The following KIF24 variants were observed in gnomAD, a reference collection of about 807,000 sequenced individuals.
KIF24 encodes kinesin-like protein KIF24.
KIF24 carries 81 observed loss-of-function variants against 118.9 expected under a neutral mutation model. That is an observed-to-expected ratio of 0.68 (90% CI 0.57 to 0.82). KIF24 has a LOEUF of 0.82. KIF24 is among the 40% of genes least tolerant of loss of function. The pLI, the probability that KIF24 is intolerant of heterozygous loss-of-function variation, is 0.00. For synonymous variants in KIF24, 599 were observed against 610.0 expected (o/e 0.98, Z 0.27); for missense variants, 1,560 against 1,661.6 (o/e 0.94, Z 1.06).
chr9:34,327,418 C>T (rs1837703767), intron 1 of KIF24, among the ~76,000 whole-genome samples: 5 of 152,040 alleles, frequency 3.3e-5, no homozygotes, highest in Admixed American at 3.3e-4. Flanking sequence ...CCTTAGGTTG[C>T]CCCAAGGACA....
intron 1 of KIF24, among the ~76,000 whole-genome samples, chr9:34,311,678 G>GTATATATGTACATATATACGTGTA (rs1837157994): frequency 1.2e-5 from 1 of 86,490 alleles, no homozygotes; most frequent in African/African-American, 4.8e-5. Context: ...ACGTGTATAT[G>GTATATATGTACATATATACGTGTA]TATATATATA....
rs1052025223 is a variant in KIF24 at position 34,318,230 on chromosome 9, C to A, written c.-25-6859G>T. On this transcript the variant is annotated intron_variant, in intron 1 of 12. Transcript: ENST00000402558. The surrounding 1 kb of genome is among the most constrained non-coding windows in gnomAD (Gnocchi z 4.9). ...ACATGAATAATGAACATATAGGTAA[C>A]CCTCAGCTATAAGTTGTAAAAGTTA... 1.3e-5 allele frequency among the ~76,000 whole-genome samples: 2 copies of A among 152,150 alleles called. No homozygotes were observed. Among genetic ancestry groups the A allele is most frequent in the African/African-American group, 2.4e-5 (1 of 41,434 alleles).
chr9:34,305,993 A>G (rs1254982676), intron 3 of KIF24, among the ~76,000 whole-genome samples: 1 of 152,172 alleles, frequency 6.6e-6, no homozygotes, highest in Non-Finnish European at 1.5e-5. Context: ...AAGCATGTTA[A>G]GTGAATATAT....
chr9:34,270,918 C>A (rs1399393469), intron 7 of KIF24, among the ~76,000 whole-genome samples: 1 of 150,474 alleles, frequency 6.6e-6, no homozygotes, highest in East Asian at 2.0e-4. Flanking sequence ...ATCTCCCTCA[C>A]ATCCACCCTG....
chr9:34,326,982 T>A (rs1837690859), intron 1 of KIF24, among the ~76,000 whole-genome samples: 1 of 152,168 alleles, frequency 6.6e-6, no homozygotes, highest in Admixed American at 6.5e-5. Context: ...AATGTTTCCT[T>A]TCATGAGGGT....
chr9:34,294,403 A>G (rs1187169160), intron 4 of KIF24, among the ~76,000 whole-genome samples: 1 of 152,174 alleles, frequency 6.6e-6, no homozygotes, highest in Non-Finnish European at 1.5e-5. Flanking sequence ...TAAAAAATAA[A>G]AAATTAGCCG....
intron 7 of KIF24, among the ~76,000 whole-genome samples, chr9:34,270,628 G>A (rs1192495647): frequency 1.3e-5 from 2 of 149,592 alleles, no homozygotes; most frequent in South Asian, 2.1e-4. Flanking sequence ...TTTAAGAGAC[G>A]GGGTGGATGT....
At chr9:34,312,530 A>C (rs1174616360) in intron 1 of KIF24, among the ~76,000 whole-genome samples, 1 of 152,202 alleles carries the variant, frequency 6.6e-6, no homozygotes, top group Non-Finnish European at 1.5e-5. Context: ...TTTTCGTTTT[A>C]ATTTCTATTT....
Position 34,318,950 on chromosome 9 carries a change from G to A in KIF24, c.-25-7579C>T, listed in dbSNP as rs758373089. 8.0e-5 allele frequency: 120 copies of A among 1,501,530 alleles called. No individual in the cohort carries two copies. Among genetic ancestry groups the A allele is most frequent in the Middle Eastern group, 1.7e-4 (1 of 5,920 alleles). 93.0% of individuals were successfully genotyped at this position (1,501,530 alleles called of 1,614,324 possible). A position where few individuals can be genotyped will look rare whatever the true frequency, so the allele number is the denominator to read the frequency against. On this transcript the variant is annotated intron_variant, in intron 1 of 12. Transcript: ENST00000402558. This position sits in a 1 kb window ranked among gnomAD's most constrained non-coding sequence, Gnocchi z 4.9. ...CGAGTGGGCCGTGCAGACCACCGAC[G>A]GCAAGCTGCCCAAGGTCACCAAGGA...
intron 9 of KIF24, among the ~76,000 whole-genome samples, 165 bp from the exon 10 acceptor site, chr9:34,259,870 G>A (rs192487193): frequency 6.6e-6 from 1 of 152,078 alleles, no homozygotes; most frequent in East Asian, 1.9e-4. Flanking sequence ...ACAGAAAAAG[G>A]TACTCACCAC....
chr9:34,255,894 G>A lies in KIF24; in HGVS notation c.3713C>T (p.Ser1238Phe). The change falls in exon 11 of 13, where the codon TCC (serine) becomes TTC (phenylalanine). Residue 1238 changes from serine (S) to phenylalanine (F), a missense_variant. Coordinates refer to ENST00000402558, the MANE Select transcript of KIF24 (RefSeq NM_194313.4). ...TRLGWQEFGLSTDPIKLPCNS... is the reference protein window; with the variant it reads ...TRLGWQEFGLFTDPIKLPCNS... ...GCAGGGCAACTTGATGGGGTCTGTG[G>A]ACAAACCAAACTCCTGCCAACCAAG... The A allele has an allele frequency of 6.2e-7, 1 of 1,613,992 alleles. No individual in the cohort carries two copies. The highest frequency in any genetic ancestry group is 8.5e-7 in the Non-Finnish European group (1 of 1,179,886).
chr9:34,327,302 G>C (rs1379291472), intron 1 of KIF24, among the ~76,000 whole-genome samples: 1 of 152,044 alleles, frequency 6.6e-6, no homozygotes, highest in African/African-American at 2.4e-5. Flanking sequence ...TAGAATACTA[G>C]ATCTGGAAGG....
chr9:34,277,036 A>G (rs1835682090), intron 6 of KIF24, among the ~76,000 whole-genome samples: 1 of 152,208 alleles, frequency 6.6e-6, no homozygotes. Flanking sequence ...GGATCATCAT[A>G]GATTGGTATC....
At chr9:34,329,960 C>T (rs547657976), upstream of KIF24, among the ~76,000 whole-genome samples, 57 of 152,360 alleles carry the variant, frequency 3.7e-4, 1 homozygote, top group African/African-American at 1.2e-3. Flanking sequence ...TGTTGCTACC[C>T]ATTAAACCCC....
intron 2 of KIF24, among the ~76,000 whole-genome samples, chr9:34,307,105 G>C (rs1333541630): frequency 1.3e-5 from 2 of 152,118 alleles, no homozygotes; most frequent in African/African-American, 4.8e-5. Flanking sequence ...ATCTCACTCT[G>C]TCACCCAGAC....
intron 8 of KIF24, among the ~76,000 whole-genome samples, chr9:34,267,921 A>T (rs1835353445): frequency 6.6e-6 from 1 of 152,196 alleles, no homozygotes; most frequent in African/African-American, 2.4e-5. Flanking sequence ...AATGTGGCAA[A>T]TCTTACAGGA....
chr9:34,293,783 A>G (rs537134239), intron 4 of KIF24, among the ~76,000 whole-genome samples: 19 of 152,346 alleles, frequency 1.2e-4, no homozygotes, highest in Admixed American at 2.6e-4. Flanking sequence ...AAAAAAGAAC[A>G]TGAAAAGAAG....
intron 8 of KIF24, among the ~76,000 whole-genome samples, chr9:34,264,806 T>G (rs182440290): frequency 1.3e-5 from 2 of 152,060 alleles, no homozygotes; most frequent in Non-Finnish European, 2.9e-5. Flanking sequence ...TTACCCCTCA[T>G]GAAGTCTGGA....
intron 6 of KIF24, among the ~76,000 whole-genome samples, chr9:34,286,160 C>G (rs1213147451): frequency 2.0e-5 from 3 of 150,488 alleles, no homozygotes; most frequent in Non-Finnish European, 4.4e-5. Flanking sequence ...ATGGTGAAAC[C>G]CTGTCTCTAC....
Sources: gnomAD v4.1 joint callset for allele counts (sites outside exome capture counted in the v4.1 genomes callset) on GRCh38, gnomAD v4.1.1 for gene constraint, Gnocchi (gnomAD v3.1) non-coding constraint, MANE v1.5 for transcripts, NCBI Gene and HGNC (gene_info 2026-07-23, HGNC 2026-07-21) for gene names.